The following GREB1L variants were observed in gnomAD, a reference collection of about 807,000 sequenced individuals.
GREB1L encodes the protein GREB1-like protein.
GREB1L carries 17 observed loss-of-function variants against 200.8 expected under a neutral mutation model. The observed-to-expected ratio is 0.08, with a 90% CI of 0.06 to 0.13. The LOEUF is 0.13. Ranked by LOEUF, GREB1L falls within the 10% of genes least tolerant of loss-of-function variation. The pLI is 1.00. For synonymous variants in GREB1L, 789 were observed against 893.0 expected (o/e 0.88, Z 2.08); for missense variants, 1,657 against 2,367.7 (o/e 0.70, Z 6.23).
intron 7 of GREB1L, among the ~76,000 whole-genome samples, chr18:21,424,874 T>G (rs537008963): frequency 5.6e-4 from 86 of 152,296 alleles, no homozygotes; most frequent in South Asian, 1.0e-3. Context: ...TTCTATGTAT[T>G]TGTCTGTTCT....
intron 18 of GREB1L, among the ~76,000 whole-genome samples, chr18:21,489,695 T>C (rs894468615): frequency 1.3e-5 from 2 of 152,116 alleles, no homozygotes; most frequent in African/African-American, 4.8e-5. Flanking sequence ...GGTGGGGAGA[T>C]TGAGCATTTC....
chr18:21,455,518 C>T (rs1339244965), intron 15 of GREB1L, among the ~76,000 whole-genome samples: 1 of 151,942 alleles, frequency 6.6e-6, no homozygotes, highest in Non-Finnish European at 1.5e-5. Flanking sequence ...CCCGTCTCTA[C>T]TAAAAATACA....
intron 18 of GREB1L, among the ~76,000 whole-genome samples, chr18:21,488,291 G>T (rs2036203709): frequency 4.6e-5 from 7 of 152,122 alleles, no homozygotes; most frequent in Admixed American, 4.6e-4. Flanking sequence ...GCGGGACTCT[G>T]TCTCGAAAAA....
intron 4 of GREB1L, among the ~76,000 whole-genome samples, chr18:21,391,693 TATA>T (rs1347944626): frequency 6.6e-6 from 1 of 152,224 alleles, no homozygotes; most frequent in African/African-American, 2.4e-5. Context: ...AAATGTCTCT[TATA>T]ATAGTGTGTA....
At chr18:21,315,582 G>T (rs924006340) in intron 1 of GREB1L, among the ~76,000 whole-genome samples, 3 of 152,138 alleles carry the variant, frequency 2.0e-5, no homozygotes, top group African/African-American at 7.2e-5. Flanking sequence ...AGTCTATTAT[G>T]ATGTATTTAC....
chr18:21,391,748 C>T (rs1261263051), intron 4 of GREB1L, among the ~76,000 whole-genome samples: 2 of 152,210 alleles, frequency 1.3e-5, no homozygotes, highest in South Asian at 4.1e-4. Flanking sequence ...TCTGTCATTA[C>T]ATGGCATGTG....
At position 21,441,287 on chromosome 18, in the gene GREB1L, A is replaced by T. The variant is rs1218189303; in HGVS notation, c.1070-113A>T. On this transcript the variant is annotated intron_variant, in intron 9 of 32. Coordinates refer to ENST00000424526, the MANE Select transcript of GREB1L (RefSeq NM_001142966.3). Reference sequence around the variant, plus strand: ...CAATAAACCTAATGAAAAACACAACAAACCATTAGATTTCTAATGCTTCTC... The same window carrying T: ...CAATAAACCTAATGAAAAACACAACTAACCATTAGATTTCTAATGCTTCTC... The T allele has an allele frequency of 3.2e-6, 3 of 924,772 alleles. No individual in the cohort carries two copies. In the African/African-American group the frequency reaches 5.1e-5, roughly 16 times the overall value. 57.3% of individuals were successfully genotyped at this position (924,772 alleles called of 1,614,324 possible). A position where few individuals can be genotyped will look rare whatever the true frequency, so the allele number is the denominator to read the frequency against.
intron 7 of GREB1L, among the ~76,000 whole-genome samples, chr18:21,409,424 A>G (rs2030692057): frequency 6.6e-6 from 1 of 152,312 alleles, no homozygotes; most frequent in African/African-American, 2.4e-5. Flanking sequence ...TATTAAGGGG[A>G]TGAAAATGTT....
intron 1 of GREB1L, among the ~76,000 whole-genome samples, chr18:21,245,619 T>C (rs1168316682): frequency 6.6e-6 from 1 of 152,252 alleles, no homozygotes; most frequent in Non-Finnish European, 1.5e-5. Context: ...TATAAAAGTT[T>C]ATGCAATGGA....
intron 15 of GREB1L, among the ~76,000 whole-genome samples, chr18:21,458,656 A>G (rs1471451240): frequency 6.6e-6 from 1 of 152,180 alleles, no homozygotes; most frequent in Non-Finnish European, 1.5e-5. Context: ...TGAAGCAAAG[A>G]GGGGAGGGAG....
At chr18:21,277,840 GA>G (rs528717099) in intron 1 of GREB1L, among the ~76,000 whole-genome samples, 6 of 152,276 alleles carry the variant, frequency 3.9e-5, no homozygotes, top group African/African-American at 1.4e-4. Flanking sequence ...TGAGGGCAGG[GA>G]TCTCATTTTT....
chr18:21,515,718 T>C (rs1568078408), intron 29 of GREB1L, 74 bp downstream of exon 29: 8 of 1,066,544 alleles, frequency 7.5e-6, no homozygotes, highest in Non-Finnish European at 1.1e-5. Context: ...GCCTCTGTAA[T>C]GCTTTTATTC....
At chr18:21,491,414 C>A (rs1273943958) in intron 19 of GREB1L, among the ~76,000 whole-genome samples, 1 of 152,014 alleles carries the variant, frequency 6.6e-6, no homozygotes, top group South Asian at 2.1e-4. Context: ...ATTTAGTGTT[C>A]AAAAATTGTT....
chr18:21,334,147 C>T (rs954877602), intron 1 of GREB1L, among the ~76,000 whole-genome samples: 8 of 151,964 alleles, frequency 5.3e-5, no homozygotes, highest in Admixed American at 1.3e-4. Context: ...TTAAAATGTG[C>T]GTTAAATATT....
rs1252045445 is a variant in GREB1L at position 21,522,659 on chromosome 18, T to C, written c.5610T>C (p.Gly1870=). The C allele has an allele frequency of 6.4e-7, 1 of 1,551,124 alleles. No homozygotes were observed. The highest frequency in any genetic ancestry group is 1.2e-5 in the South Asian group (1 of 83,962). ...ATATTTCTGTCTTTTTTCCTGAAGG[T>C]GCTACACTGTGTGTCATCTGCCAAG... ...ADLKKFKFLK[G]ATLCVICQDR... is the part of the protein sequence containing the mutation. Residue 1870 remains glycine (G), a splice_region_variant and synonymous_variant, in exon 33 of 33, where the codon GGT becomes GGC. Coordinates refer to ENST00000424526, the MANE Select transcript of GREB1L (RefSeq NM_001142966.3).
At chr18:21,336,729 C>G (rs765055494) in intron 1 of GREB1L, among the ~76,000 whole-genome samples, 1 of 152,188 alleles carries the variant, frequency 6.6e-6, no homozygotes, top group Admixed American at 6.6e-5. Flanking sequence ...CTAACTTTAG[C>G]AAGCCAGAGC....
At chr18:21,251,970 C>T (rs1598605976) in intron 1 of GREB1L, among the ~76,000 whole-genome samples, 1 of 150,948 alleles carries the variant, frequency 6.6e-6, no homozygotes, top group South Asian at 2.1e-4. Context: ...AAAGGATTAC[C>T]ATCTCTAGTT....
At position 21,522,890 on chromosome 18, in the gene GREB1L, T is replaced by C; in HGVS notation, c.*69T>C. 2 of 1,383,710 alleles carry C rather than the reference T, an allele frequency of 1.4e-6. No individual in the cohort carries two copies. Among genetic ancestry groups the C allele is most frequent in the Non-Finnish European group, 1.9e-6 (2 of 1,034,666 alleles). The allele number at this position is 1,383,710 out of a possible 1,614,324, so 85.7% of individuals were successfully genotyped here. On this transcript the variant is annotated 3_prime_UTR_variant, in exon 33 of 33. Coordinates refer to ENST00000424526, the MANE Select transcript of GREB1L (RefSeq NM_001142966.3). ...TGGGACAGAAACAATTTGGGATTTT[T>C]CTTTTTCCTTTAAAGTACAATCACT...
At chr18:21,374,989 CT>C (rs1462407496) in intron 2 of GREB1L, among the ~76,000 whole-genome samples, 5 of 151,348 alleles carry the variant, frequency 3.3e-5, no homozygotes, top group African/African-American at 9.7e-5. Flanking sequence ...GTAGCTGAGA[CT>C]ACAGGCACCT....
Sources: allele counts gnomAD v4.1 joint callset (sites outside exome capture counted in the v4.1 genomes callset), GRCh38; gene constraint gnomAD v4.1.1; transcripts MANE v1.5; gene names NCBI Gene and HGNC (gene_info 2026-07-23, HGNC 2026-07-21).